ROBO3: variants seen among roughly 807,000 people sequenced by gnomAD.
The protein encoded by ROBO3 is roundabout guidance receptor 3, also known as roundabout homolog 3.
In ROBO3, 97 loss-of-function variants were observed where a neutral mutation model predicts 160.5. That is an observed-to-expected ratio of 0.60 (90% confidence interval 0.51 to 0.72). ROBO3 has a LOEUF of 0.72. ROBO3 is among the 30% of genes least tolerant of loss of function. ROBO3 has a pLI of 0.00. For missense variants in ROBO3, 1,858 were observed against 1,846.5 expected (o/e 1.01, Z -0.11); for synonymous variants, 780 against 746.2 (o/e 1.05, Z -0.74).
In ROBO3 at chr11:124,872,843, TA is replaced by T; in HGVS notation, c.1331-39del. On this transcript the variant is annotated intron_variant, in intron 8 of 27. Transcript: ENST00000397801. This position sits in a 1 kb window ranked among gnomAD's most constrained non-coding sequence, Gnocchi z 4.3. ...GGACAAGGGGCTGCCCGCGGGGCCC[TA>T]AGCTCCTCCCCTGAGGTGCACACGT... 1 of 1,496,948 alleles carries T rather than the reference TA, an allele frequency of 6.7e-7. No individual in the cohort carries two copies. Among genetic ancestry groups the T allele is most frequent in the South Asian group, 1.3e-5 (1 of 75,046 alleles). 92.7% of individuals were successfully genotyped at this position (1,496,948 alleles called of 1,614,324 possible). A position where few individuals can be genotyped will look rare whatever the true frequency, so the allele number is the denominator to read the frequency against.
At position 124,878,507 on chromosome 11, in the gene ROBO3, G is replaced by A. The variant is rs1196738960; in HGVS notation, c.3320+71G>A. The A allele has an allele frequency of 1.9e-6, 3 of 1,600,078 alleles. No homozygotes were observed. Among genetic ancestry groups the A allele is most frequent in the Non-Finnish European group, 2.6e-6 (3 of 1,171,324 alleles). ...CATGGGCTGCTGGGGAGGAAGGGGAGGGGGCAGCAGGAAGGCCAACGGGAA... is the reference window on the plus strand; with the variant it reads ...CATGGGCTGCTGGGGAGGAAGGGGAAGGGGCAGCAGGAAGGCCAACGGGAA... On this transcript the variant is annotated intron_variant, in intron 22 of 27. Coordinates refer to ENST00000397801, the MANE Select transcript of ROBO3 (RefSeq NM_022370.4). The surrounding 1 kb of genome is among the most constrained non-coding windows in gnomAD (Gnocchi z 4.3).
intron 1 of ROBO3, 191 bp from the exon 2 acceptor site, chr11:124,868,610 AC>A: frequency 1.4e-6 from 1 of 707,446 alleles, no homozygotes. Flanking sequence ...TTCCTTTGAG[AC>A]GAGGAACGCG....
In ROBO3 at chr11:124,871,909, G is replaced by A. The variant is rs115121319; in HGVS notation, c.1159-472G>A. 6.5e-3 allele frequency among the ~76,000 whole-genome samples: 990 copies of A among 152,284 alleles called. 8 individuals are homozygous for A. The highest frequency in any genetic ancestry group is 0.02 in the Middle Eastern group (6 of 294). ...AGGGGTGAAGCAGGTGTTACCCAGGGTCTCAGCATGGTGCCCTTTGTCCTG... is the reference window on the plus strand; with the variant it reads ...AGGGGTGAAGCAGGTGTTACCCAGGATCTCAGCATGGTGCCCTTTGTCCTG... On this transcript the variant is annotated intron_variant, in intron 7 of 27. Coordinates refer to ENST00000397801, the MANE Select transcript of ROBO3 (RefSeq NM_022370.4).
In ROBO3 at chr11:124,876,424, C is replaced by A; in HGVS notation, c.2743C>A (p.Arg915Ser). ...CGGGCTCTGCGCCGCCCTCTACTGG[C>A]GCCGGAAACAGCGCAAAGAGCTCAG... ...LLGLCAALYW[R>S]RKQRKELSHY... Residue 915 changes from arginine (R) to serine (S), a missense_variant, in exon 17 of 28, where the codon CGC (arginine) becomes AGC (serine). By Grantham distance (110) the Arg-to-Ser change is moderately radical. Transcript: ENST00000397801. The surrounding 1 kb of genome is among the most constrained non-coding windows in gnomAD (Gnocchi z 5.3). The A allele has an allele frequency of 1.4e-6, 2 of 1,446,552 alleles. No individual in the cohort carries two copies. The highest frequency in any genetic ancestry group is 2.9e-5 in the East Asian group (1 of 34,872). 89.6% of individuals were successfully genotyped at this position (1,446,552 alleles called of 1,614,324 possible).
Position 124,881,337 on chromosome 11 carries a change from C to A in ROBO3, c.*87C>A. On this transcript the variant is annotated 3_prime_UTR_variant, in exon 28 of 28. Coordinates refer to ENST00000397801, the MANE Select transcript of ROBO3 (RefSeq NM_022370.4). ...TCCCCCCCAGCAGTGATGAGTGGGG[C>A]TAGCTGAAGCCCATTGGTTTCCACG... 1.5e-6 allele frequency: 2 copies of A among 1,301,200 alleles called. No individual in the cohort carries two copies. The highest frequency in any genetic ancestry group is 2.2e-6 in the Non-Finnish European group (2 of 918,802). The allele number at this position is 1,301,200 out of a possible 1,614,324, so 80.6% of individuals were successfully genotyped here. A position where few individuals can be genotyped will look rare whatever the true frequency, so the allele number is the denominator to read the frequency against.
Position 124,876,375 on chromosome 11 carries a change from C to G in ROBO3, c.2694C>G (p.Gly898=). 1 of 1,441,338 alleles carries G rather than the reference C, an allele frequency of 6.9e-7. No individual in the cohort carries two copies. The allele number at this position is 1,441,338 out of a possible 1,614,324, so 89.3% of individuals were successfully genotyped here. ...LREPAFLAGS[G]AACGALLLGL... ...AGCCCGCCTTCCTCGCGGGCAGCGG[C>G]GCAGCCTGCGGGGCGCTGCTTCTCG... Residue 898 remains glycine, a synonymous_variant, in exon 17 of 28, where the codon GGC becomes GGG. Transcript: ENST00000397801. The surrounding 1 kb of genome is among the most constrained non-coding windows in gnomAD (Gnocchi z 5.3).
At position 124,869,938 on chromosome 11, in the gene ROBO3, T is replaced by G. The variant is rs1393751494; in HGVS notation, c.646-10T>G. ...TGAAATGGACCAAAGTTACCATTAT[T>G]GCTCTGCAGATCCGTGGAGGGAAGC... On this transcript the variant is annotated splice_polypyrimidine_tract_variant and intron_variant, in intron 3 of 27. Transcript: ENST00000397801. This position sits in a 1 kb window ranked among gnomAD's most constrained non-coding sequence, Gnocchi z 4.2. The G allele has an allele frequency of 2.5e-6, 4 of 1,589,820 alleles. No individual in the cohort carries two copies. The highest frequency in any genetic ancestry group is 1.7e-6 in the Non-Finnish European group (2 of 1,168,236).
chr11:124,871,939 C>G (rs925742174), intron 7 of ROBO3, among the ~76,000 whole-genome samples: 4 of 152,110 alleles, frequency 2.6e-5, no homozygotes, highest in African/African-American at 9.7e-5. Context: ...GTCCTGAGAC[C>G]CAAACCTGCT....
chr11:124,871,017 C>T lies in ROBO3; in HGVS notation c.1037C>T (p.Pro346Leu). 4.4e-6 allele frequency: 7 copies of T among 1,606,802 alleles called. No individual in the cohort carries two copies. The highest frequency in any genetic ancestry group is 6.0e-6 in the Non-Finnish European group (7 of 1,174,012). ...TTTTCTCACCTGCCCTTCCCAGTCCCACCCCAGTTGGTGACCCAGCCCCAG... is the reference window on the plus strand; with the variant it reads ...TTTTCTCACCTGCCCTTCCCAGTCCTACCCCAGTTGGTGACCCAGCCCCAG... ...EASGSLSVHV[P>L]PQLVTQPQDQ... Residue 346 changes from proline (P) to leucine (L), a missense_variant, in exon 7 of 28, where the codon CCA becomes CTA. Transcript: ENST00000397801.
rs1246277356 is a variant in ROBO3 at position 124,872,205 on chromosome 11, C to T, written c.1159-176C>T. Among the ~76,000 whole-genome samples, 1 of 152,258 alleles carries T rather than the reference C, an allele frequency of 6.6e-6. No homozygotes were observed. The highest frequency in any genetic ancestry group is 2.1e-4 in the South Asian group (1 of 4,824). ...ACTCTGAAATTGTCTAATAAAATTCCCTGATGTTTTTGTGAATACATTTAA... is the reference window on the plus strand; with the variant it reads ...ACTCTGAAATTGTCTAATAAAATTCTCTGATGTTTTTGTGAATACATTTAA... On this transcript the variant is annotated intron_variant, in intron 7 of 27. Transcript: ENST00000397801. This position sits in a 1 kb window ranked among gnomAD's most constrained non-coding sequence, Gnocchi z 4.3.
rs1210180556 is a variant in ROBO3 at position 124,874,824 on chromosome 11, G to A, written c.1988G>A (p.Arg663Lys). The A allele has an allele frequency of 1.2e-6, 2 of 1,605,368 alleles. No individual in the cohort carries two copies. Among genetic ancestry groups the A allele is most frequent in the Non-Finnish European group, 1.7e-6 (2 of 1,176,054 alleles). ...TCTAGGCCAGTGGAGGACCCATGGAGAGGCCAGCAGGGACTGGCGGAAGTG... is the reference window on the plus strand; with the variant it reads ...TCTAGGCCAGTGGAGGACCCATGGAAAGGCCAGCAGGGACTGGCGGAAGTG... ...SPSRPVEDPW[R>K]GQQGLAEVAV... Residue 663 changes from arginine to lysine, a missense_variant, in exon 13 of 28, where the codon AGA becomes AAA. Transcript: ENST00000397801.
In ROBO3 at chr11:124,872,898, C is replaced by A; in HGVS notation, c.1345C>A (p.Leu449Met). The A allele has an allele frequency of 1.9e-6, 3 of 1,606,080 alleles. No individual in the cohort carries two copies. The highest frequency in any genetic ancestry group is 2.5e-6 in the Non-Finnish European group (3 of 1,176,626). The change falls in exon 9 of 28, where the codon CTG (leucine) becomes ATG (methionine). Residue 449 changes from leucine (L) to methionine (M), a missense_variant. Leu to Met is a conservative substitution (Grantham distance 15, BLOSUM62 2). Coordinates refer to ENST00000397801, the MANE Select transcript of ROBO3 (RefSeq NM_022370.4). The surrounding 1 kb of genome is among the most constrained non-coding windows in gnomAD (Gnocchi z 4.3). ...LEIKGASLDG[L>M]PPVILQGPAN... ...TCCTCTCTCAGCCTCTTTGGATGGGCTGCCTCCTGTCATCCTCCAGGGACC... is the reference window on the plus strand; with the variant it reads ...TCCTCTCTCAGCCTCTTTGGATGGGATGCCTCCTGTCATCCTCCAGGGACC...
intron 13 of ROBO3, 38 bp from the exon 14 acceptor site, chr11:124,875,073 G>C: frequency 6.4e-7 from 1 of 1,550,822 alleles, no homozygotes; most frequent in South Asian, 1.2e-5. Flanking sequence ...TATGGCCCCA[G>C]CCTCCCCTTC....
At chr11:124,870,109 T>C (rs368186301) in intron 4 of ROBO3, 41 bp downstream of exon 4, 18 of 1,613,860 alleles carry the variant, frequency 1.1e-5, no homozygotes, top group Middle Eastern at 1.6e-4. Flanking sequence ...ACAGGTAGCC[T>C]GCAGAGTAAG....
chr11:124,866,260 G>T (rs958436041), intron 1 of ROBO3, among the ~76,000 whole-genome samples: 18 of 152,238 alleles, frequency 1.2e-4, no homozygotes, highest in African/African-American at 4.3e-4. Flanking sequence ...AGGAAACTTA[G>T]AAGTTTGTCT....
Position 124,872,438 on chromosome 11 carries a change from AG to A in ROBO3, c.1217del (p.Arg406LysfsTer36), listed in dbSNP as rs779906274. 2 of 1,613,996 alleles carry A rather than the reference AG, an allele frequency of 1.2e-6. No individual in the cohort carries two copies. Among genetic ancestry groups the A allele is most frequent in the South Asian group, 2.2e-5 (2 of 91,090 alleles). ...QPTGRFSVSPRGQLNITAVQR... is the reference protein window; with the variant it reads ...QPTGRFSVSPXGQLNITAVQR... Reference sequence around the variant, plus strand: ...GACGGGGCGCTTCTCAGTGTCTCCAAGAGGCCAACTTAACATCACCGCGGTG... The same window carrying A: ...GACGGGGCGCTTCTCAGTGTCTCCAAAGGCCAACTTAACATCACCGCGGTG... On this transcript the variant is annotated frameshift_variant, in exon 8 of 28. Transcript: ENST00000397801. LOFTEE classifies it high-confidence loss of function. The surrounding 1 kb of genome is among the most constrained non-coding windows in gnomAD (Gnocchi z 4.3).
At chr11:124,867,489 C>T (rs1946215099) in intron 1 of ROBO3, among the ~76,000 whole-genome samples, 1 of 152,094 alleles carries the variant, frequency 6.6e-6, no homozygotes, top group Non-Finnish European at 1.5e-5. Flanking sequence ...TTGCTCACCA[C>T]GGGGTGTTCC....
In ROBO3 at chr11:124,870,629, T is replaced by C. The variant is rs368491462; in HGVS notation, c.934T>C (p.Trp312Arg). 7 of 1,613,566 alleles carry C rather than the reference T, an allele frequency of 4.3e-6. No homozygotes were observed. The highest frequency in any genetic ancestry group is 8.5e-7 in the Non-Finnish European group (1 of 1,179,838). The change falls in exon 6 of 28, where the codon TGG (tryptophan) becomes CGG (arginine). Residue 312 changes from tryptophan to arginine, a missense_variant. Physicochemically the swap from Trp to Arg is moderately radical, Grantham distance 101. Transcript: ENST00000397801. ...RYEIRSDHSL[W>R]IGHVSAEDEG... ...TGAGATCCGGAGTGACCACAGCCTTTGGATTGGGCATGTGAGTGCCGAAGA... is the reference window on the plus strand; with the variant it reads ...TGAGATCCGGAGTGACCACAGCCTTCGGATTGGGCATGTGAGTGCCGAAGA...
chr11:124,873,242 C>T lies in ROBO3; in HGVS notation c.1537-68C>T. 3 of 1,473,234 alleles carry T rather than the reference C, an allele frequency of 2.0e-6. No homozygotes were observed. 91.3% of individuals were successfully genotyped at this position (1,473,234 alleles called of 1,614,324 possible). ...CCAACATCTTCCCATCCTTCTGCTA[C>T]CCGCCTCCACCCCCTCACTGGATCT... On this transcript the variant is annotated intron_variant, in intron 9 of 27. Coordinates refer to ENST00000397801, the MANE Select transcript of ROBO3 (RefSeq NM_022370.4). The surrounding 1 kb of genome is among the most constrained non-coding windows in gnomAD (Gnocchi z 4.5).
Sources: allele counts gnomAD v4.1 joint callset (sites outside exome capture counted in the v4.1 genomes callset), GRCh38; gene constraint gnomAD v4.1.1; non-coding constraint Gnocchi (gnomAD v3.1); transcripts MANE v1.5; gene names NCBI Gene and HGNC (gene_info 2026-07-23, HGNC 2026-07-21).